Variants in CHST8 observed in about 807,000 individuals in gnomAD.
The protein encoded by CHST8 is GALNAC-4-ST1.
A neutral mutation model predicts 15.0 loss-of-function variants in CHST8; 10 were observed. The observed-to-expected ratio is 0.67, with a 90% CI of 0.41 to 1.13. The LOEUF (loss-of-function observed/expected upper bound fraction) is 1.13. Ranked by LOEUF, CHST8 falls within the 50% of genes most tolerant of loss-of-function variation. CHST8 has a pLI of 0.00. For synonymous variants in CHST8, 259 were observed against 256.6 expected, an observed-to-expected ratio of 1.01 and a Z score of -0.09; for missense variants, 634 against 608.2, an observed-to-expected ratio of 1.04 and a Z score of -0.45.
intron 3 of CHST8, among the ~76,000 whole-genome samples, chr19:33,768,499 T>A (rs954179808): frequency 4.6e-5 from 7 of 152,316 alleles, no homozygotes; most frequent in African/African-American, 1.7e-4. Flanking sequence ...TTGCTCAGGC[T>A]GTAGTGCAGT....
chr19:33,706,300 G>A (rs142111609), intron 3 of CHST8, among the ~76,000 whole-genome samples: 1 of 152,310 alleles, frequency 6.6e-6, no homozygotes, highest in Non-Finnish European at 1.5e-5. Context: ...TCTGGTTCTT[G>A]TGCACACGTG....
intron 2 of CHST8, among the ~76,000 whole-genome samples, chr19:33,682,178 T>TTTG (rs1454992280): frequency 1.0e-3 from 150 of 147,234 alleles, no homozygotes; most frequent in African/African-American, 3.4e-3. Flanking sequence ...TGTTGTGGTT[T>TTTG]TTGTTGTTGT....
chr19:33,693,126 C>T (rs1973130621), intron 3 of CHST8, among the ~76,000 whole-genome samples: 2 of 151,838 alleles, frequency 1.3e-5, no homozygotes, highest in African/African-American at 4.8e-5. Flanking sequence ...CCGGCCTCAG[C>T]CTCTCGAGTA....
chr19:33,758,071 AG>A (rs1267796468), intron 3 of CHST8, among the ~76,000 whole-genome samples: 1 of 131,176 alleles, frequency 7.6e-6, no homozygotes, highest in African/African-American at 2.9e-5. Flanking sequence ...TGCTCCGGGC[AG>A]TCTCTGGCCT....
At chr19:33,667,298 C>G (rs144923380) in intron 1 of CHST8, among the ~76,000 whole-genome samples, 1 of 152,218 alleles carries the variant, frequency 6.6e-6, no homozygotes, top group Admixed American at 6.5e-5. Context: ...TAGGAGAAAG[C>G]CTTCCTGCAG....
intron 1 of CHST8, among the ~76,000 whole-genome samples, chr19:33,626,970 T>A (rs1293368877): frequency 1.3e-5 from 2 of 151,752 alleles, no homozygotes; most frequent in Non-Finnish European, 2.9e-5. Context: ...AATTTTTTTT[T>A]ATAGAGATGG....
chr19:33,655,051 G>A (rs1338817263), intron 1 of CHST8, among the ~76,000 whole-genome samples: 1 of 152,124 alleles, frequency 6.6e-6, no homozygotes, highest in Admixed American at 6.6e-5. Context: ...TTGAGCCCAG[G>A]AGTCTGACAG....
intron 1 of CHST8, among the ~76,000 whole-genome samples, chr19:33,647,058 G>T (rs1019913492): frequency 6.6e-6 from 1 of 152,180 alleles, no homozygotes; most frequent in East Asian, 1.9e-4. Flanking sequence ...GATTTCTCTC[G>T]CAGTCGTATT....
chr19:33,660,565 C>T (rs1022397954), intron 1 of CHST8, among the ~76,000 whole-genome samples: 6 of 152,184 alleles, frequency 3.9e-5, no homozygotes, highest in Admixed American at 1.3e-4. Flanking sequence ...GCCCTCATTG[C>T]CCATTAGCAT....
At chr19:33,703,609 G>A (rs1187110949) in intron 3 of CHST8, among the ~76,000 whole-genome samples, 1 of 152,224 alleles carries the variant, frequency 6.6e-6, no homozygotes, top group Non-Finnish European at 1.5e-5. Flanking sequence ...CCTGCCGGTG[G>A]GGTTATCCCG....
intron 1 of CHST8, among the ~76,000 whole-genome samples, chr19:33,650,513 C>CTTTTTT (rs1356639318): frequency 1.4e-4 from 5 of 36,850 alleles, no homozygotes; most frequent in Non-Finnish European, 2.1e-4. Context: ...TTTTCTTTTT[C>CTTTTTT]TTTTCTTTTT....
chr19:33,684,344 C>T (rs1437014189), intron 2 of CHST8, among the ~76,000 whole-genome samples: 2 of 152,196 alleles, frequency 1.3e-5, no homozygotes. Context: ...AGCGTGCCGC[C>T]CGGCAGGGGC....
chr19:33,764,350 T>C (rs1387717353), intron 3 of CHST8, among the ~76,000 whole-genome samples: 1 of 152,120 alleles, frequency 6.6e-6, no homozygotes, highest in Non-Finnish European at 1.5e-5. Context: ...CTTCAGAACA[T>C]CCAGCTGGGC....
chr19:33,757,470 G>T lies in CHST8; in HGVS notation c.131-13943G>T, dbSNP rs1568358544. ...AGAAAGAAAGAAAGAAAGAAAGAAA[G>T]AAAGAAAGAAAGAAAGAAAGAAAGA... On this transcript the variant is annotated intron_variant, in intron 3 of 4. Transcript: ENST00000650847. Among the ~76,000 whole-genome samples, 175 of 41,750 alleles carry T rather than the reference G, an allele frequency of 4.2e-3. 20 individuals carry two copies. The highest frequency in any genetic ancestry group is 0.014 in the Middle Eastern group (1 of 74). 27.4% of individuals were successfully genotyped at this position (41,750 alleles called of 152,430 possible).
At chr19:33,744,747 ATTAT>A (rs994301823) in intron 3 of CHST8, among the ~76,000 whole-genome samples, 5 of 151,760 alleles carry the variant, frequency 3.3e-5, no homozygotes, top group African/African-American at 4.8e-5. Context: ...TAATTGATTT[ATTAT>A]TTATTTATTT....
At chr19:33,767,130 C>T (rs370776275) in intron 3 of CHST8, among the ~76,000 whole-genome samples, 1 of 151,878 alleles carries the variant, frequency 6.6e-6, no homozygotes, top group Non-Finnish European at 1.5e-5. Flanking sequence ...CCAATGCAGC[C>T]GTCATTCTCC....
chr19:33,686,235 T>C (rs1049555522), intron 2 of CHST8, among the ~76,000 whole-genome samples: 1 of 152,068 alleles, frequency 6.6e-6, no homozygotes, highest in Non-Finnish European at 1.5e-5. Flanking sequence ...TCCACCACCA[T>C]GGAGGTGTGG....
At chr19:33,750,754 C>T (rs553300000) in intron 3 of CHST8, among the ~76,000 whole-genome samples, 2 of 152,310 alleles carry the variant, frequency 1.3e-5, no homozygotes, top group South Asian at 2.1e-4. Flanking sequence ...AGGCACCAGC[C>T]GCCCACCCCC....
At chr19:33,721,151 G>A (rs543771636) in intron 3 of CHST8, among the ~76,000 whole-genome samples, 13 of 152,326 alleles carry the variant, frequency 8.5e-5, no homozygotes, top group South Asian at 6.2e-4. Flanking sequence ...TAGTGCTCTC[G>A]GGGACCCTCT....
Sources: allele counts gnomAD v4.1 joint callset (sites outside exome capture counted in the v4.1 genomes callset), GRCh38; gene constraint gnomAD v4.1.1; transcripts MANE v1.5; gene names NCBI Gene and HGNC (gene_info 2026-07-23, HGNC 2026-07-21).